Variants in FCHSD2 observed in about 807,000 individuals in gnomAD.
FCHSD2 encodes FCH and double SH3 domains 2, also known as F-BAR and double SH3 domains protein 2.
FCHSD2 carries 38 observed loss-of-function variants against 108.1 expected under a neutral mutation model. The ratio of observed to expected loss-of-function variants is 0.35; its 90% CI spans 0.27 to 0.46. The LOEUF (loss-of-function observed/expected upper bound fraction) is 0.46. FCHSD2 is among the 20% of genes least tolerant of loss of function. FCHSD2 has a pLI of 1.00. For missense variants in FCHSD2, 751 were observed against 897.8 expected (o/e 0.84, Z 2.09); for synonymous variants, 279 against 314.7 (o/e 0.89, Z 1.20).
In FCHSD2 at chr11:72,842,685, G is replaced by T. The variant is rs773945981; in HGVS notation, c.1862C>A (p.Ser621Ter). 6.2e-7 allele frequency: 1 copy of T among 1,613,842 alleles called. No homozygotes were observed. The highest frequency in any genetic ancestry group is 1.3e-5 in the African/African-American group (1 of 74,908). The change falls in exon 17 of 20, where the codon TCG (serine) becomes TAG (stop). Residue 621 changes from serine (S) to a stop codon, truncating the protein, a stop_gained. Transcript: ENST00000409418. LOFTEE classifies it high-confidence loss of function. Reference sequence around the variant, plus strand: ...GGCTGAAAGTTCTTCCACTAGCACCGATGGGAAAACTCCAATACGCCCATT... The same window carrying T: ...GGCTGAAAGTTCTTCCACTAGCACCTATGGGAAAACTCCAATACGCCCATT... Reference protein sequence around the residue: ...EFNGRIGVFPSVLVEELSASE... With the variant: ...EFNGRIGVFP
intron 8 of FCHSD2, among the ~76,000 whole-genome samples, chr11:72,961,405 TTTG>T (rs145240576): frequency 9.5e-4 from 144 of 151,126 alleles, no homozygotes; most frequent in African/African-American, 1.7e-3. Context: ...TAAGAAGTTT[TTTG>T]TTGTTGTTGT....
intron 12 of FCHSD2, among the ~76,000 whole-genome samples, chr11:72,882,357 CAAA>C (rs911008203): frequency 7.3e-6 from 1 of 136,208 alleles, no homozygotes; most frequent in Admixed American, 7.4e-5. Flanking sequence ...GACTTCGTCT[CAAA>C]AAAAAAAAAG....
chr11:72,927,754 T>C (rs1399543320), intron 8 of FCHSD2, among the ~76,000 whole-genome samples: 1 of 152,194 alleles, frequency 6.6e-6, no homozygotes, highest in African/African-American at 2.4e-5. Flanking sequence ...TAGATTCTGG[T>C]GACCCTCTGG....
intron 12 of FCHSD2, among the ~76,000 whole-genome samples, chr11:72,873,344 T>A (rs539509495): frequency 9.3e-5 from 14 of 150,358 alleles, no homozygotes; most frequent in African/African-American, 2.9e-4. Flanking sequence ...AAAAAAAAAA[T>A]GAATCTTTTC....
chr11:72,882,851 T>C (rs1203598531), intron 12 of FCHSD2, among the ~76,000 whole-genome samples: 2 of 152,184 alleles, frequency 1.3e-5, no homozygotes, highest in African/African-American at 4.8e-5. Context: ...TAGAAGCTGA[T>C]GGCAATGAGA....
chr11:73,027,462 C>G (rs1858255369), intron 3 of FCHSD2, among the ~76,000 whole-genome samples: 1 of 152,090 alleles, frequency 6.6e-6, no homozygotes, highest in Non-Finnish European at 1.5e-5. Context: ...TTTCTGAAAG[C>G]ATACAGTCAT....
chr11:72,958,757 A>G (rs1856763537), intron 8 of FCHSD2, among the ~76,000 whole-genome samples: 1 of 152,194 alleles, frequency 6.6e-6, no homozygotes, highest in Non-Finnish European at 1.5e-5. Flanking sequence ...CAGATTTAAG[A>G]AAAAAAGTTA....
chr11:72,908,438 G>C (rs1298318153), intron 9 of FCHSD2, among the ~76,000 whole-genome samples: 1 of 152,134 alleles, frequency 6.6e-6, no homozygotes, highest in Non-Finnish European at 1.5e-5. Flanking sequence ...TCTATTTTTA[G>C]TTTGTTGAGG....
At chr11:72,951,740 C>G (rs1332952437) in intron 8 of FCHSD2, among the ~76,000 whole-genome samples, 2 of 152,124 alleles carry the variant, frequency 1.3e-5, no homozygotes, top group Non-Finnish European at 2.9e-5. Context: ...GTCTCAATGT[C>G]ATGACTTTTA....
chr11:72,967,179 G>T (rs1294772010), intron 8 of FCHSD2, among the ~76,000 whole-genome samples: 4 of 147,492 alleles, frequency 2.7e-5, no homozygotes, highest in Non-Finnish European at 1.5e-5. Context: ...CAGCCTGGGC[G>T]ACAGAGCAAG....
chr11:73,009,229 CTCACGCCTG>C lies in FCHSD2; in HGVS notation c.242+6571_242+6579del, dbSNP rs779927207. Among the ~76,000 whole-genome samples, 27 of 152,130 alleles carry C rather than the reference CTCACGCCTG, an allele frequency of 1.8e-4. 1 individual carries two copies. The highest frequency in any genetic ancestry group is 3.7e-4 in the Non-Finnish European group (25 of 68,026). ...TCATACTACAGGCTGGGTGTGGTGG[CTCACGCCTG>C]TAATCCCAGCAGTTTGGGAGGCTGA... On this transcript the variant is annotated intron_variant, in intron 4 of 19. Coordinates refer to ENST00000409418, the MANE Select transcript of FCHSD2 (RefSeq NM_014824.3).
At chr11:72,935,293 C>A (rs573644186) in intron 8 of FCHSD2, among the ~76,000 whole-genome samples, 1 of 152,052 alleles carries the variant, frequency 6.6e-6, no homozygotes. Flanking sequence ...AAAGTAAGAA[C>A]TTTAAACAGT....
chr11:73,007,188 T>A (rs1857759084), intron 4 of FCHSD2, among the ~76,000 whole-genome samples: 1 of 152,202 alleles, frequency 6.6e-6, no homozygotes, highest in Non-Finnish European at 1.5e-5. Flanking sequence ...GCCATAATAA[T>A]TAGGTTATAA....
chr11:73,005,480 G>C (rs1857719826), intron 4 of FCHSD2, among the ~76,000 whole-genome samples: 1 of 151,972 alleles, frequency 6.6e-6, no homozygotes, highest in African/African-American at 2.4e-5. Context: ...CTCTCCCTTG[G>C]TCTACTCCCA....
intron 3 of FCHSD2, among the ~76,000 whole-genome samples, chr11:73,054,135 T>C (rs188773854): frequency 1.1e-4 from 17 of 152,226 alleles, no homozygotes; most frequent in Middle Eastern, 3.4e-3. Context: ...CTATGGCTGC[T>C]TACACTCTAC....
Position 72,988,975 on chromosome 11 carries a change from G to A in FCHSD2, c.510C>T (p.Asp170=). The A allele has an allele frequency of 1.2e-6, 2 of 1,603,836 alleles. No individual in the cohort carries two copies. The highest frequency in any genetic ancestry group is 1.1e-5 in the South Asian group (1 of 89,828). Residue 170 remains aspartate, a synonymous_variant, in exon 6 of 20, where the codon GAC becomes GAT. Coordinates refer to ENST00000409418, the MANE Select transcript of FCHSD2 (RefSeq NM_014824.3). ...GTTAAAACACATACTTTGCCTCGAT[G>A]TCAGCTTTCTCTCGTACTGCATGAG... ...QMAHAVREKA[D]IEAKSKLSLF...
At chr11:73,035,348 T>C (rs1858465806) in intron 3 of FCHSD2, among the ~76,000 whole-genome samples, 1 of 152,070 alleles carries the variant, frequency 6.6e-6, no homozygotes, top group South Asian at 2.1e-4. Context: ...TTGTATTTTT[T>C]GTAGAGACGG....
intron 2 of FCHSD2, among the ~76,000 whole-genome samples, chr11:73,135,835 C>T (rs1022801211): frequency 6.6e-6 from 1 of 152,150 alleles, no homozygotes; most frequent in African/African-American, 2.4e-5. Context: ...AATTGGTCTC[C>T]TCCCCTCGAA....
intron 3 of FCHSD2, among the ~76,000 whole-genome samples, chr11:73,024,769 A>G (rs982376259): frequency 1.3e-5 from 2 of 152,206 alleles, no homozygotes; most frequent in Non-Finnish European, 2.9e-5. Flanking sequence ...TCCAGCATCT[A>G]TAAGGAAATT....
Sources: gnomAD v4.1 joint callset for allele counts (sites outside exome capture counted in the v4.1 genomes callset) on GRCh38, gnomAD v4.1.1 for gene constraint, MANE v1.5 for transcripts, NCBI Gene and HGNC (gene_info 2026-07-23, HGNC 2026-07-21) for gene names.